ARHGEF10L: variants seen among roughly 807,000 people sequenced by gnomAD.
ARHGEF10L encodes Rho guanine nucleotide exchange factor 10 like, also known as rho guanine nucleotide exchange factor 10-like protein.
Under a neutral mutation model 141.2 loss-of-function variants are expected in ARHGEF10L, and 69 were observed. The observed-to-expected ratio is 0.49, with a 90% CI of 0.40 to 0.60. ARHGEF10L has a LOEUF of 0.60. Among genes scored for constraint, ARHGEF10L ranks in the 20% least tolerant of loss-of-function variants. The probability of loss-of-function intolerance (pLI) is 0.00; values close to 1 mark genes in which losing one functional copy is unlikely to be tolerated. For synonymous variants in ARHGEF10L, 711 were observed against 718.5 expected, an observed-to-expected ratio of 0.99 and a Z score of 0.17; for missense variants, 1,482 against 1,734.3, an observed-to-expected ratio of 0.85 and a Z score of 2.58.
chr1:17,525,811 T>G, the ARHGEF10L span, among the ~76,000 whole-genome samples: 1 of 151,920 alleles, frequency 6.6e-6, no homozygotes, highest in Non-Finnish European at 1.5e-5. Flanking sequence ...GAAACCAGCC[T>G]GGCCAACATG....
At chr1:17,638,726 T>C (rs762106903) in intron 20 of ARHGEF10L, 37 bp downstream of exon 20, 5 of 1,611,266 alleles carry the variant, frequency 3.1e-6, no homozygotes, top group South Asian at 2.2e-5. Context: ...GGCTGCTGCC[T>C]CTGCTGGGCT....
At chr1:17,527,838 TTTC>T in the ARHGEF10L span, among the ~76,000 whole-genome samples, 1 of 145,816 alleles carries the variant, frequency 6.9e-6, no homozygotes, top group Non-Finnish European at 1.5e-5. Context: ...CTCTAGTGCT[TTTC>T]CTCTTGCTTT....
intron 28 of ARHGEF10L, 33 bp from the exon 29 acceptor site, chr1:17,696,815 G>A: frequency 6.6e-7 from 1 of 1,511,476 alleles, no homozygotes; most frequent in Admixed American, 2.2e-5. Context: ...CTGGGCCTTT[G>A]GGCCCCTTTC....
chr1:17,616,006 C>A, intron 8 of ARHGEF10L, 88 bp from the exon 9 acceptor site: 1 of 1,110,992 alleles, frequency 9.0e-7, no homozygotes, highest in Non-Finnish European at 1.4e-6. Context: ...CTGATCTCTG[C>A]AGGCCGAGGC....
chr1:17,555,784 C>G (rs1338902557), intron 1 of ARHGEF10L, among the ~76,000 whole-genome samples: 1 of 152,202 alleles, frequency 6.6e-6, no homozygotes, highest in African/African-American at 2.4e-5. Context: ...TGCATCTGTT[C>G]TTGCTTCTTT....
intron 4 of ARHGEF10L, among the ~76,000 whole-genome samples, chr1:17,595,220 C>CG (rs1182280745): frequency 9.4e-6 from 1 of 106,114 alleles, no homozygotes. Flanking sequence ...CGTGGCTCAC[C>CG]TTTTTTTTTT....
chr1:17,543,854 G>T (rs1425978127), intron 1 of ARHGEF10L, among the ~76,000 whole-genome samples: 1 of 151,530 alleles, frequency 6.6e-6, no homozygotes, highest in Non-Finnish European at 1.5e-5. Flanking sequence ...TACCATGTTG[G>T]CCAGGCTGGT....
At chr1:17,651,972 C>T (rs796892438) in intron 22 of ARHGEF10L, among the ~76,000 whole-genome samples, 1 of 152,330 alleles carries the variant, frequency 6.6e-6, no homozygotes, top group African/African-American at 2.4e-5. Context: ...GTACCAAGGC[C>T]CTGTCCAATT....
intron 1 of ARHGEF10L, among the ~76,000 whole-genome samples, chr1:17,559,065 G>A (rs1018297372): frequency 2.6e-5 from 4 of 152,236 alleles, no homozygotes; most frequent in African/African-American, 9.6e-5. Context: ...GAGAGTGGTG[G>A]ATGCTGTGGC....
chr1:17,660,917 C>T (rs2062584858), intron 25 of ARHGEF10L, among the ~76,000 whole-genome samples: 1 of 152,192 alleles, frequency 6.6e-6, no homozygotes, highest in African/African-American at 2.4e-5. Flanking sequence ...GAGCTCACAG[C>T]AATTGGGTTT....
intron 22 of ARHGEF10L, among the ~76,000 whole-genome samples, chr1:17,653,015 A>G (rs1488542523): frequency 6.6e-6 from 1 of 152,122 alleles, no homozygotes; most frequent in Non-Finnish European, 1.5e-5. Context: ...CTGATGATGA[A>G]ATGAGCTAAG....
chr1:17,606,859 G>C (rs1250951844), intron 6 of ARHGEF10L, among the ~76,000 whole-genome samples: 1 of 152,176 alleles, frequency 6.6e-6, no homozygotes, highest in Non-Finnish European at 1.5e-5. Flanking sequence ...TCCCACCTCA[G>C]GCTTCAAGTG....
intron 16 of ARHGEF10L, 200 bp from the exon 17 acceptor site, chr1:17,634,348 C>A (rs1230188453): frequency 3.9e-6 from 3 of 770,724 alleles, no homozygotes; most frequent in Non-Finnish European, 6.7e-6. Context: ...CCTAGCGGGG[C>A]TGTTGTGAGA....
chr1:17,662,150 G>A (rs6668662), intron 25 of ARHGEF10L, among the ~76,000 whole-genome samples: 4,824 of 152,210 alleles, frequency 0.032, 262 homozygotes, highest in African/African-American at 0.11. Context: ...ATTTAAACTC[G>A]CTGTGTCTCG....
chr1:17,621,976 G>T lies in ARHGEF10L; in HGVS notation c.1020+35G>T. On this transcript the variant is annotated intron_variant, in intron 11 of 28. Coordinates refer to ENST00000361221, the MANE Select transcript of ARHGEF10L (RefSeq NM_018125.4). The surrounding 1 kb of genome is among the most constrained non-coding windows in gnomAD (Gnocchi z 4.1). ...CAGGGAGTTCTCAAGGGTCTCTGGG[G>T]AGAAGCAGGGAGGGCCCTGGAGGGT... 1 of 1,609,480 alleles carries T rather than the reference G, an allele frequency of 6.2e-7. No homozygotes were observed. Among genetic ancestry groups the T allele is most frequent in the South Asian group, 1.1e-5 (1 of 90,966 alleles).
At chr1:17,692,522 G>T (rs115805142) in intron 27 of ARHGEF10L, among the ~76,000 whole-genome samples, 9 of 152,038 alleles carry the variant, frequency 5.9e-5, no homozygotes, top group Non-Finnish European at 1.3e-4. Flanking sequence ...TCCTTCCTCT[G>T]CTCCACCTCT....
intron 21 of ARHGEF10L, among the ~76,000 whole-genome samples, chr1:17,640,612 A>G (rs1411546314): frequency 6.6e-6 from 1 of 152,144 alleles, no homozygotes; most frequent in African/African-American, 2.4e-5. Context: ...TGACTGCTAG[A>G]CTGCTAGGGG....
In ARHGEF10L at chr1:17,558,546, A is replaced by G. The variant is rs1397599842; in HGVS notation, c.-44+18596A>G. Among the ~76,000 whole-genome samples the G allele has an allele frequency of 6.6e-6, 1 of 152,208 alleles. No individual in the cohort carries two copies. Among genetic ancestry groups the G allele is most frequent in the African/African-American group, 2.4e-5 (1 of 41,452 alleles). On this transcript the variant is annotated intron_variant, in intron 1 of 28. Coordinates refer to ENST00000361221, the MANE Select transcript of ARHGEF10L (RefSeq NM_018125.4). The surrounding 1 kb of genome is among the most constrained non-coding windows in gnomAD (Gnocchi z 4.2). ...TGATGCCAGCTGCATGTGCTAAGCA[A>G]AGTGTATTTGGGAGTGGCCCAGGCA...
intron 25 of ARHGEF10L, among the ~76,000 whole-genome samples, chr1:17,663,694 A>G (rs914516868): frequency 3.3e-5 from 5 of 152,220 alleles, no homozygotes; most frequent in African/African-American, 1.2e-4. Flanking sequence ...ATCAAGATTC[A>G]GTCTAGATAA....
Sources: allele counts gnomAD v4.1 joint callset (sites outside exome capture counted in the v4.1 genomes callset), GRCh38; gene constraint gnomAD v4.1.1; non-coding constraint Gnocchi (gnomAD v3.1); transcripts MANE v1.5; gene names NCBI Gene and HGNC (gene_info 2026-07-23, HGNC 2026-07-21).